The following DIAPH2 variants were observed in gnomAD, a reference collection of about 807,000 sequenced individuals.
DIAPH2 encodes the protein protein diaphanous homolog 2.
A neutral mutation model predicts 92.7 loss-of-function variants in DIAPH2; 35 were observed. That is an observed-to-expected ratio of 0.38 (90% CI 0.29 to 0.50). DIAPH2 has a LOEUF of 0.50. DIAPH2 is among the 20% of genes least tolerant of loss of function. The probability of loss-of-function intolerance (pLI) is 0.94; values close to 1 mark genes in which losing one functional copy is unlikely to be tolerated. For synonymous variants in DIAPH2, 301 were observed against 280.4 expected, an observed-to-expected ratio of 1.07 and a Z score of -0.73; for missense variants, 701 against 819.5, an observed-to-expected ratio of 0.86 and a Z score of 1.77.
intron 26 of DIAPH2, among the ~76,000 whole-genome samples, chrX:97,524,734 A>G (rs1238299884): frequency 8.9e-6 from 1 of 112,031 alleles, no homozygotes; most frequent in Admixed American, 9.5e-5. Context: ...ATTCATCCTC[A>G]TCATTGATGT....
intron 26 of DIAPH2, among the ~76,000 whole-genome samples, chrX:97,468,540 C>T (rs936702035): frequency 7.4e-5 from 8 of 108,288 alleles, no homozygotes; most frequent in East Asian, 5.8e-4. Flanking sequence ...TATTGTCAAG[C>T]GTGTATTGTT....
chrX:96,800,142 C>G (rs1370932276), intron 4 of DIAPH2, among the ~76,000 whole-genome samples: 1 of 111,757 alleles, frequency 8.9e-6, no homozygotes, highest in Non-Finnish European at 1.9e-5. Context: ...TTGCTATGCT[C>G]TTTTGCAGAA....
At chrX:97,427,189 A>C (rs1421661261) in intron 25 of DIAPH2, among the ~76,000 whole-genome samples, 1 of 110,852 alleles carries the variant, frequency 9.0e-6, no homozygotes, top group Non-Finnish European at 1.9e-5. Flanking sequence ...AAAAAAAAAA[A>C]ATCAATTTTA....
chrX:96,812,496 A>G (rs1481055725), intron 4 of DIAPH2, among the ~76,000 whole-genome samples: 1 of 110,879 alleles, frequency 9.0e-6, no homozygotes, highest in East Asian at 2.8e-4. Flanking sequence ...ATTTTTTTGA[A>G]GGGTATTTTG....
chrX:96,891,436 A>G (rs1032087595), intron 5 of DIAPH2, among the ~76,000 whole-genome samples: 1 of 112,214 alleles, frequency 8.9e-6, no homozygotes, highest in Non-Finnish European at 1.9e-5. Context: ...GTGATTTAGA[A>G]TGAGGACTCT....
chrX:97,538,106 G>A (rs1259191188), intron 26 of DIAPH2, among the ~76,000 whole-genome samples: 1 of 109,896 alleles, frequency 9.1e-6, no homozygotes, highest in Non-Finnish European at 1.9e-5. Flanking sequence ...GGATGGTCTC[G>A]ATCTCCTGAC....
At chrX:96,928,834 T>C (rs1280552817) in intron 9 of DIAPH2, among the ~76,000 whole-genome samples, 1 of 111,662 alleles carries the variant, frequency 9.0e-6, no homozygotes, top group African/African-American at 3.2e-5. Flanking sequence ...GTTCATACAT[T>C]GTATGTAAAG....
rs185683458 is a variant in DIAPH2, at chrX:97,333,578, T to C, written c.2845-14538T>C. On this transcript the variant is annotated intron_variant, in intron 23 of 26. Coordinates refer to ENST00000324765, the MANE Select transcript of DIAPH2 (RefSeq NM_006729.5). ...ACTTCCTTCATATTCCTTTTTTTTT[T>C]CTTTGAGATGGAGTCTCACTCTGTC... 3.9e-3 allele frequency among the ~76,000 whole-genome samples: 424 copies of C among 109,749 alleles called. 3 individuals carry two copies. The highest frequency in any genetic ancestry group is 0.012 in the African/African-American group (369 of 30,105).
intron 24 of DIAPH2, among the ~76,000 whole-genome samples, chrX:97,349,006 G>A (rs1050516649): frequency 9.6e-6 from 1 of 104,372 alleles, no homozygotes; most frequent in African/African-American, 3.7e-5. Flanking sequence ...ATATATATGT[G>A]TGTGTATATA....
intron 2 of DIAPH2, among the ~76,000 whole-genome samples, chrX:96,736,617 G>C (rs1014218518): frequency 8.9e-6 from 1 of 111,823 alleles, no homozygotes; most frequent in Non-Finnish European, 1.9e-5. Context: ...GTCTTAGCCA[G>C]ACTGGTCTCA....
At chrX:96,964,819 T>A (rs188352956) in intron 16 of DIAPH2, among the ~76,000 whole-genome samples, 28 of 111,300 alleles carry the variant, frequency 2.5e-4, no homozygotes, top group Non-Finnish European at 4.5e-4. Flanking sequence ...GGGGTTAGGA[T>A]TTCCTAAGTT....
chrX:97,257,330 G>A (rs990014291), intron 23 of DIAPH2, among the ~76,000 whole-genome samples: 8 of 111,448 alleles, frequency 7.2e-5, no homozygotes, highest in African/African-American at 2.3e-4. Context: ...TAAAAAGGCC[G>A]TGTGGACAAG....
chrX:96,821,090 A>G (rs1267598817), intron 4 of DIAPH2, among the ~76,000 whole-genome samples: 1 of 111,565 alleles, frequency 9.0e-6, no homozygotes, highest in Non-Finnish European at 1.9e-5. Context: ...TGATAGGAGA[A>G]TCGATCACAG....
intron 9 of DIAPH2, among the ~76,000 whole-genome samples, chrX:96,928,063 T>C (rs2147791604): frequency 9.0e-6 from 1 of 111,420 alleles, no homozygotes; most frequent in Admixed American, 9.6e-5. Context: ...TGCGAGAATC[T>C]ATAAATGGAG....
intron 20 of DIAPH2, among the ~76,000 whole-genome samples, chrX:97,109,491 A>G (rs780266368): frequency 2.0e-4 from 22 of 111,301 alleles, no homozygotes; most frequent in Non-Finnish European, 4.0e-4. Context: ...TGTTTCTCCT[A>G]CTGCAGCTTA....
intron 23 of DIAPH2, among the ~76,000 whole-genome samples, chrX:97,331,996 A>T (rs940076208): frequency 2.7e-5 from 3 of 111,703 alleles, no homozygotes; most frequent in African/African-American, 6.5e-5. Context: ...CTGTAGGTTA[A>T]ATTCAGTATG....
At chrX:97,271,824 C>CACACAG (rs2068389473) in intron 23 of DIAPH2, among the ~76,000 whole-genome samples, 1 of 105,157 alleles carries the variant, frequency 9.5e-6, no homozygotes, top group Admixed American at 1.0e-4. Flanking sequence ...CACACACACA[C>CACACAG]ACACACACAC....
chrX:96,925,571 C>T (rs913481107), intron 9 of DIAPH2, among the ~76,000 whole-genome samples: 1 of 111,130 alleles, frequency 9.0e-6, no homozygotes, highest in South Asian at 3.8e-4. Flanking sequence ...ATTATGGCCC[C>T]GTTTAAATTA....
chrX:96,933,627 C>T (rs2065636444), intron 10 of DIAPH2, among the ~76,000 whole-genome samples: 1 of 104,977 alleles, frequency 9.5e-6, no homozygotes, highest in Admixed American at 1.0e-4. Context: ...ATTTTTGAGA[C>T]AGAGTCTTGC....
Sources: allele counts gnomAD v4.1 joint callset (sites outside exome capture counted in the v4.1 genomes callset), GRCh38; gene constraint gnomAD v4.1.1; transcripts MANE v1.5; gene names NCBI Gene and HGNC (gene_info 2026-07-23, HGNC 2026-07-21).